The following SNAPC3 variants were observed in gnomAD, a reference collection of about 807,000 sequenced individuals.
SNAPC3 encodes the protein small nuclear RNA activating complex polypeptide 3, also known as snRNA-activating protein complex subunit 3.
In SNAPC3, 56 loss-of-function variants were observed where a neutral mutation model predicts 47.7. That is an observed-to-expected ratio of 1.18 (90% CI 0.95 to 1.47). The LOEUF is 1.47. SNAPC3 is among the 40% of genes most tolerant of loss of function. The pLI is 0.00. For synonymous variants in SNAPC3, 235 were observed against 189.9 expected (o/e 1.24, Z -1.95); for missense variants, 665 against 511.3 (o/e 1.30, Z -2.90).
At chr9:15,423,306 T>C (rs930265922) in intron 1 of SNAPC3, 113 bp downstream of exon 1, 2 of 1,098,880 alleles carry the variant, frequency 1.8e-6, no homozygotes, top group Non-Finnish European at 2.5e-6. Flanking sequence ...AGACCTGGGC[T>C]AGGAGTATTA....
chr9:15,429,010 G>A (rs2031808684), intron 2 of SNAPC3, among the ~76,000 whole-genome samples: 1 of 152,016 alleles, frequency 6.6e-6, no homozygotes, highest in African/African-American at 2.4e-5. Context: ...CTAGGTACCT[G>A]GAAAAATTAA....
intron 4 of SNAPC3, among the ~76,000 whole-genome samples, chr9:15,446,538 TGA>T (rs1463214671): frequency 6.6e-6 from 1 of 152,224 alleles, no homozygotes; most frequent in Non-Finnish European, 1.5e-5. Context: ...TGGAGATGAC[TGA>T]GTGATGACAT....
chr9:15,465,221 AT>A (rs1563861282), downstream of SNAPC3: 1 of 295,458 alleles, frequency 3.4e-6, no homozygotes, highest in Non-Finnish European at 6.2e-6. Context: ...TCTACTATCA[AT>A]TACACATTAA....
intron 4 of SNAPC3, 76 bp downstream of exon 4, chr9:15,444,782 A>G (rs1416353162): frequency 3.9e-6 from 3 of 776,140 alleles, no homozygotes; most frequent in East Asian, 5.4e-5. Flanking sequence ...GAAGAGTCAT[A>G]TTCCTATGCT....
At chr9:15,453,452 C>T (rs1207501091) in intron 7 of SNAPC3, 2 of 331,920 alleles carry the variant, frequency 6.0e-6, no homozygotes, top group Admixed American at 4.7e-5. Context: ...GGTTAAAAAT[C>T]TGTTAATACT....
downstream of SNAPC3, chr9:15,465,757 T>C (rs1009865662): frequency 9.3e-6 from 5 of 536,976 alleles, no homozygotes; most frequent in African/African-American, 9.8e-5. Flanking sequence ...TCTTCAAAAC[T>C]GTTATTTTAC....
chr9:15,465,451 C>A, downstream of SNAPC3: 2 of 1,339,004 alleles, frequency 1.5e-6, no homozygotes, highest in Non-Finnish European at 1.0e-6. Context: ...TTAAAACTTT[C>A]AGCAGTCTAT....
intron 2 of SNAPC3, among the ~76,000 whole-genome samples, chr9:15,426,283 G>A (rs2031386955): frequency 6.6e-6 from 1 of 151,910 alleles, no homozygotes; most frequent in Admixed American, 6.6e-5. Flanking sequence ...CTTATCTCCT[G>A]ACCTTGTTGA....
At chr9:15,448,176 T>A (rs2034091764) in intron 5 of SNAPC3, among the ~76,000 whole-genome samples, 1 of 152,166 alleles carries the variant, frequency 6.6e-6, no homozygotes, top group African/African-American at 2.4e-5. Context: ...CACAATCTCC[T>A]TTTTTCCTGG....
chr9:15,449,363 C>G (rs1050259800), intron 5 of SNAPC3, among the ~76,000 whole-genome samples: 1 of 151,900 alleles, frequency 6.6e-6, no homozygotes, highest in African/African-American at 2.4e-5. Context: ...TGGGCAACAA[C>G]TCACTGTGTT....
intron 2 of SNAPC3, among the ~76,000 whole-genome samples, chr9:15,425,505 G>A (rs1242054088): frequency 5.9e-5 from 9 of 152,036 alleles, no homozygotes; most frequent in Admixed American, 4.6e-4. Flanking sequence ...TGCGTGAGCC[G>A]CCACACCTTG....
chr9:15,427,466 A>C lies in SNAPC3; in HGVS notation c.392+3480A>C, dbSNP rs188268730. Among the ~76,000 whole-genome samples, 41 of 152,314 alleles carry C rather than the reference A, an allele frequency of 2.7e-4. No individual in the cohort carries two copies. The East Asian group carries it at 7.9e-3, about 29-fold the overall frequency. ...TGGGCTCAAGTGATTCTTCTGCCTC[A>C]GCCTCCCAAGTAGCTGGGATTACTG... On this transcript the variant is annotated intron_variant, in intron 2 of 8. Transcript: ENST00000380821.
intron 2 of SNAPC3, among the ~76,000 whole-genome samples, chr9:15,426,241 C>T (rs1489617034): frequency 2.5e-4 from 38 of 152,130 alleles, no homozygotes; most frequent in Admixed American, 2.5e-3. Flanking sequence ...TGCTCTCTCA[C>T]TCCAGGCCTT....
At chr9:15,426,494 C>G (rs1233237231) in intron 2 of SNAPC3, among the ~76,000 whole-genome samples, 2 of 152,100 alleles carry the variant, frequency 1.3e-5, no homozygotes. Flanking sequence ...TTACCAATTC[C>G]TAGAACTGTG....
intron 2 of SNAPC3, among the ~76,000 whole-genome samples, chr9:15,430,280 CAATT>C (rs1299498122): frequency 3.9e-5 from 6 of 152,010 alleles, no homozygotes; most frequent in Admixed American, 3.3e-4. Context: ...AAAATAAAAA[CAATT>C]AGCCAGCTGT....
intron 3 of SNAPC3, among the ~76,000 whole-genome samples, chr9:15,439,448 T>G (rs2033125537): frequency 6.6e-6 from 1 of 152,190 alleles, no homozygotes; most frequent in African/African-American, 2.4e-5. Flanking sequence ...CTCAAACTCT[T>G]AGGCTCAAGT....
At chr9:15,458,315 G>T (rs1194650360) in intron 8 of SNAPC3, among the ~76,000 whole-genome samples, 2 of 152,154 alleles carry the variant, frequency 1.3e-5, no homozygotes, top group East Asian at 1.9e-4. Context: ...TATACAGCTA[G>T]GTGAATAAAA....
At chr9:15,437,619 G>GT (rs1457827630) in intron 3 of SNAPC3, among the ~76,000 whole-genome samples, 1 of 130,548 alleles carries the variant, frequency 7.7e-6, no homozygotes, top group African/African-American at 3.4e-5. Flanking sequence ...GTAATGATCT[G>GT]TTGTTTTTTT....
chr9:15,434,743 C>T (rs1215184015), intron 3 of SNAPC3, among the ~76,000 whole-genome samples: 1 of 152,214 alleles, frequency 6.6e-6, no homozygotes, highest in African/African-American at 2.4e-5. Flanking sequence ...TTTATAGGTT[C>T]ATCCATATTG....
Sources: gnomAD v4.1 joint callset for allele counts (sites outside exome capture counted in the v4.1 genomes callset) on GRCh38, gnomAD v4.1.1 for gene constraint, MANE v1.5 for transcripts, NCBI Gene and HGNC (gene_info 2026-07-23, HGNC 2026-07-21) for gene names.